Variants in HMBOX1 observed in about 807,000 individuals in gnomAD.
HMBOX1 encodes homeobox containing 1.
Under a neutral mutation model 54.5 loss-of-function variants are expected in HMBOX1, and 14 were observed. The ratio of observed to expected loss-of-function variants is 0.26; its 90% confidence interval spans 0.17 to 0.40. The LOEUF (loss-of-function observed/expected upper bound fraction) is 0.40. HMBOX1 is among the 10% of genes least tolerant of loss of function. The probability of loss-of-function intolerance (pLI) is 1.00; values close to 1 mark genes in which losing one functional copy is unlikely to be tolerated. For missense variants in HMBOX1, 332 were observed against 514.4 expected (o/e 0.65, Z 3.43); for synonymous variants, 160 against 181.0 (o/e 0.88, Z 0.93).
intron 1 of HMBOX1, among the ~76,000 whole-genome samples, chr8:28,914,310 A>G (rs896659622): frequency 6.6e-6 from 1 of 152,206 alleles, no homozygotes; most frequent in African/African-American, 2.4e-5. Context: ...GTCAAAGAGG[A>G]TATTAGAAAA....
chr8:28,944,355 AT>A (rs1281798571), intron 1 of HMBOX1, among the ~76,000 whole-genome samples: 1 of 152,198 alleles, frequency 6.6e-6, no homozygotes, highest in Non-Finnish European at 1.5e-5. Flanking sequence ...TCTCTTCATG[AT>A]CTCTACCAAG....
At chr8:28,915,342 G>A (rs901186361) in intron 1 of HMBOX1, among the ~76,000 whole-genome samples, 1 of 151,908 alleles carries the variant, frequency 6.6e-6, no homozygotes, top group Non-Finnish European at 1.5e-5. Context: ...CGGATCACAA[G>A]GTCAGGAGAT....
At chr8:28,972,299 G>A (rs1376585558) in intron 3 of HMBOX1, among the ~76,000 whole-genome samples, 4 of 152,024 alleles carry the variant, frequency 2.6e-5, no homozygotes, top group African/African-American at 9.7e-5. Flanking sequence ...TGCAACCTCC[G>A]CCTCCTGGGC....
chr8:28,999,419 TTAA>T (rs1207619644), intron 4 of HMBOX1, among the ~76,000 whole-genome samples: 1 of 152,188 alleles, frequency 6.6e-6, no homozygotes, highest in Non-Finnish European at 1.5e-5. Context: ...GATGTGTGCA[TTAA>T]TGTTTTTCAT....
rs546234667 is a variant in HMBOX1 at position 28,929,250 on chromosome 8, A to G, written c.-57-34561A>G. Among the ~76,000 whole-genome samples, 3 of 152,320 alleles carry G rather than the reference A, an allele frequency of 2.0e-5. No homozygotes were observed. In the East Asian group the frequency reaches 5.8e-4, roughly 29 times the overall value. ...GCTTTTTGTATCAAGTTTTAAGGAA[A>G]TTAATCTTCATCGTAAGAGCAGTGA... On this transcript the variant is annotated intron_variant, in intron 1 of 9. Coordinates refer to ENST00000287701, the MANE Select transcript of HMBOX1 (RefSeq NM_001135726.3).
intron 6 of HMBOX1, among the ~76,000 whole-genome samples, chr8:29,037,047 ACTCTT>A (rs1803997828): frequency 1.3e-5 from 2 of 152,140 alleles, no homozygotes; most frequent in Middle Eastern, 3.4e-3. Context: ...TCCGTTTAGT[ACTCTT>A]CTCTTTTCAC....
intron 1 of HMBOX1, among the ~76,000 whole-genome samples, chr8:28,906,218 A>T (rs1027936996): frequency 6.6e-6 from 1 of 152,140 alleles, no homozygotes; most frequent in Non-Finnish European, 1.5e-5. Context: ...GTTAATTACT[A>T]TTTCTGTAGT....
At chr8:28,962,246 C>CT (rs956848838) in intron 1 of HMBOX1, among the ~76,000 whole-genome samples, 4 of 152,092 alleles carry the variant, frequency 2.6e-5, no homozygotes, top group African/African-American at 9.6e-5. Flanking sequence ...TAGAACATTC[C>CT]TTTTTTTGTA....
chr8:29,035,855 T>C (rs770091965), intron 6 of HMBOX1, among the ~76,000 whole-genome samples: 9 of 152,256 alleles, frequency 5.9e-5, no homozygotes, highest in Non-Finnish European at 1.2e-4. Flanking sequence ...TTCGAATTTG[T>C]CAGTTTTACT....
chr8:28,910,949 C>G (rs1032456772), intron 1 of HMBOX1, among the ~76,000 whole-genome samples: 1 of 152,148 alleles, frequency 6.6e-6, no homozygotes, highest in East Asian at 1.9e-4. Flanking sequence ...TCTGCTTCAG[C>G]TCTATTTCAG....
chr8:29,042,482 A>AAGAGAGGGCTTGGGGT (rs1804985610), intron 6 of HMBOX1, among the ~76,000 whole-genome samples: 2 of 152,196 alleles, frequency 1.3e-5, no homozygotes, highest in Non-Finnish European at 2.9e-5. Context: ...AAGAGAGTGT[A>AAGAGAGGGCTTGGGGT]AAGTTTTCAG....
At chr8:28,909,133 C>A (rs904542394) in intron 1 of HMBOX1, among the ~76,000 whole-genome samples, 2 of 151,456 alleles carry the variant, frequency 1.3e-5, no homozygotes, top group Non-Finnish European at 2.9e-5. Context: ...ATTGTACCAC[C>A]AGGGTAGTTG....
intron 1 of HMBOX1, among the ~76,000 whole-genome samples, chr8:28,948,032 C>T (rs1438783158): frequency 1.3e-5 from 2 of 152,120 alleles, no homozygotes; most frequent in Non-Finnish European, 2.9e-5. Flanking sequence ...AAGTGATCTT[C>T]CTTCCTTGGC....
intron 3 of HMBOX1, 123 bp from the exon 4 acceptor site, chr8:28,979,948 T>G: frequency 1.4e-6 from 1 of 727,700 alleles, no homozygotes. Context: ...TTTGGTCTGT[T>G]TACCCTTTAT....
chr8:28,944,941 C>T (rs1173946204), intron 1 of HMBOX1, among the ~76,000 whole-genome samples: 1 of 152,118 alleles, frequency 6.6e-6, no homozygotes, highest in Non-Finnish European at 1.5e-5. Flanking sequence ...CAGTTCTTGG[C>T]TGAGAGATAC....
chr8:28,943,665 G>A (rs1056946023), intron 1 of HMBOX1, among the ~76,000 whole-genome samples: 6 of 152,134 alleles, frequency 3.9e-5, no homozygotes, highest in Non-Finnish European at 8.8e-5. Flanking sequence ...TCTGAACCCT[G>A]TTAACACTTT....
chr8:28,989,273 A>C (rs1321461586), intron 4 of HMBOX1, among the ~76,000 whole-genome samples: 1 of 151,734 alleles, frequency 6.6e-6, no homozygotes, highest in African/African-American at 2.4e-5. Flanking sequence ...ACTCTGTCTC[A>C]GAAAAAAAAA....
chr8:29,040,676 T>C (rs2133298166), intron 6 of HMBOX1, among the ~76,000 whole-genome samples: 1 of 152,278 alleles, frequency 6.6e-6, no homozygotes, highest in African/African-American at 2.4e-5. Context: ...AACAGGTCTT[T>C]AATAGAGAAG....
At chr8:29,012,001 G>C (rs1834287506) in intron 5 of HMBOX1, among the ~76,000 whole-genome samples, 1 of 152,142 alleles carries the variant, frequency 6.6e-6, no homozygotes. Flanking sequence ...CTAACTACTG[G>C]TTTTCTCAGT....
Sources: allele counts gnomAD v4.1 joint callset (sites outside exome capture counted in the v4.1 genomes callset), GRCh38; gene constraint gnomAD v4.1.1; transcripts MANE v1.5; gene names NCBI Gene and HGNC (gene_info 2026-07-23, HGNC 2026-07-21).